POLR3A: variants seen among roughly 807,000 people sequenced by gnomAD.
POLR3A encodes the protein RNA polymerase III subunit A, also known as DNA-directed RNA polymerase III subunit RPC1.
Under a neutral mutation model 152.8 loss-of-function variants are expected in POLR3A, and 112 were observed. The observed-to-expected ratio is 0.73, with a 90% CI of 0.63 to 0.86. The LOEUF (loss-of-function observed/expected upper bound fraction) is 0.86, where lower values mean the gene tolerates loss of function less well. POLR3A is among the 40% of genes least tolerant of loss of function. POLR3A has a pLI of 0.00. For synonymous variants in POLR3A, 615 were observed against 652.1 expected, an observed-to-expected ratio of 0.94 and a Z score of 0.87; for missense variants, 1,385 against 1,743.1, an observed-to-expected ratio of 0.79 and a Z score of 3.66.
rs117201371 is a variant in POLR3A at position 78,029,510 on chromosome 10, A to G, written c.-103T>C. 2.7e-6 allele frequency: 3 copies of G among 1,124,342 alleles called. No homozygotes were observed. Among genetic ancestry groups the G allele is most frequent in the Non-Finnish European group, 4.0e-6 (3 of 750,674 alleles). The allele number at this position is 1,124,342 out of a possible 1,614,324, so 69.6% of individuals were successfully genotyped here. Reference sequence around the variant, plus strand: ...CTGCTTCTGGACTCGCCGCTAACACATCTGCGGCATCCTCTCGGCCACCGT... The same window carrying G: ...CTGCTTCTGGACTCGCCGCTAACACGTCTGCGGCATCCTCTCGGCCACCGT... On this transcript the variant is annotated 5_prime_UTR_variant, in exon 1 of 31. An upstream start codon of the reference 5' UTR is lost. Coordinates refer to ENST00000372371, the MANE Select transcript of POLR3A (RefSeq NM_007055.4).
intron 19 of POLR3A, 102 bp from the exon 20 acceptor site, chr10:77,993,469 T>A: frequency 1.2e-6 from 1 of 846,904 alleles, no homozygotes; most frequent in Non-Finnish European, 2.0e-6. Flanking sequence ...ACAAGCACTT[T>A]AATCACATAA....
intron 8 of POLR3A, among the ~76,000 whole-genome samples, chr10:78,020,773 G>A (rs1481105727): frequency 6.6e-6 from 1 of 152,162 alleles, no homozygotes; most frequent in East Asian, 1.9e-4. Context: ...GGGCGACAGA[G>A]CGAGACTCCA....
intron 23 of POLR3A, 147 bp downstream of exon 23, chr10:77,985,756 G>A: frequency 4.2e-6 from 3 of 718,114 alleles, no homozygotes; most frequent in Non-Finnish European, 7.6e-6. Context: ...CAATTCATCA[G>A]ACCCCCTACA....
rs1589321117 is a variant in POLR3A, at chr10:78,029,466, C to A, written c.-59G>T. 2 of 1,562,000 alleles carry A rather than the reference C, an allele frequency of 1.3e-6. No homozygotes were observed. The highest frequency in any genetic ancestry group is 1.8e-6 in the Non-Finnish European group (2 of 1,134,046). On this transcript the variant is annotated 5_prime_UTR_variant, in exon 1 of 31. Transcript: ENST00000372371. The stretch of plus-strand genomic sequence containing the variant: ...GGGAGGCCAGATTAGAGAAACGATG[C>A]CCCCAGCACCTCCTGGGGCTGCTTC...
intron 15 of POLR3A, 109 bp downstream of exon 15, chr10:78,007,593 T>C: frequency 1.1e-6 from 1 of 871,002 alleles, no homozygotes; most frequent in Middle Eastern, 2.2e-4. Flanking sequence ...TTTTTCTGTA[T>C]GTATATGTGT....
At chr10:78,023,518 C>T (rs1261855018) in intron 5 of POLR3A, among the ~76,000 whole-genome samples, 2 of 151,612 alleles carry the variant, frequency 1.3e-5, no homozygotes, top group Admixed American at 1.3e-4. Context: ...CAGTGGCTGA[C>T]ACCTGTAATC....
intron 21 of POLR3A, among the ~76,000 whole-genome samples, chr10:77,990,755 A>C (rs932326588): frequency 6.6e-6 from 1 of 151,738 alleles, no homozygotes; most frequent in Non-Finnish European, 1.5e-5. Flanking sequence ...CTGGGATTAC[A>C]GGTGCCCGCC....
At chr10:77,982,057 AAAAAAAAAAG>A (rs1847150696) in intron 28 of POLR3A, 87 bp downstream of exon 28, 2 of 734,996 alleles carry the variant, frequency 2.7e-6, no homozygotes, top group Non-Finnish European at 4.1e-6. Flanking sequence ...AAAAAAAAAA[AAAAAAAAAAG>A]AAGTATACTG....
chr10:77,984,366 T>A, intron 24 of POLR3A, 68 bp from the exon 25 acceptor site: 2 of 902,082 alleles, frequency 2.2e-6, no homozygotes. Flanking sequence ...TACTGCTTTG[T>A]TAAACCCAAG....
intron 21 of POLR3A, among the ~76,000 whole-genome samples, chr10:77,988,726 C>T (rs1156589109): frequency 6.6e-6 from 1 of 152,186 alleles, no homozygotes; most frequent in Non-Finnish European, 1.5e-5. Flanking sequence ...TTTGCACTTG[C>T]TGCCACTGAA....
At chr10:77,980,962 AAG>A (rs1847135195) in intron 29 of POLR3A, among the ~76,000 whole-genome samples, 1 of 151,772 alleles carries the variant, frequency 6.6e-6, no homozygotes, top group South Asian at 2.1e-4. Flanking sequence ...TTTTTTGGAA[AAG>A]AGAGAAAAAA....
At chr10:77,986,254 A>G (rs1847197479) in intron 21 of POLR3A, 95 bp from the exon 22 acceptor site, 4 of 788,400 alleles carry the variant, frequency 5.1e-6, no homozygotes, top group South Asian at 1.3e-5. Context: ...TGACAAGTCC[A>G]TCATATTTTA....
intron 19 of POLR3A, among the ~76,000 whole-genome samples, chr10:77,997,910 G>A (rs961549765): frequency 6.6e-6 from 1 of 151,198 alleles, no homozygotes; most frequent in African/African-American, 2.4e-5. Context: ...ACTACACAAG[G>A]CTACAGTAAC....
chr10:78,009,680 G>T lies in POLR3A; in HGVS notation c.1771-5C>A, dbSNP rs199733994. The T allele has an allele frequency of 2.2e-5, 35 of 1,610,584 alleles. No homozygotes were observed. Among genetic ancestry groups the T allele is most frequent in the African/African-American group, 1.1e-4 (8 of 74,932 alleles). On this transcript the variant is annotated splice_polypyrimidine_tract_variant and splice_region_variant and intron_variant, in intron 13 of 30. Coordinates refer to ENST00000372371, the MANE Select transcript of POLR3A (RefSeq NM_007055.4). Reference sequence around the variant, plus strand: ...TCCCGTCCACAGGGTGACAGGCTGAGGGGGGGAGGAAGCCTGAGAGTCAGT... The same window carrying T: ...TCCCGTCCACAGGGTGACAGGCTGATGGGGGGAGGAAGCCTGAGAGTCAGT...
chr10:78,018,170 C>CAAAAA (rs112691299), intron 9 of POLR3A, among the ~76,000 whole-genome samples: 1 of 69,530 alleles, frequency 1.4e-5, no homozygotes. Context: ...ACTGAGACAT[C>CAAAAA]AAAAAAAAAA....
chr10:78,025,203 T>TA, intron 3 of POLR3A, 61 bp from the exon 4 acceptor site: 1 of 1,579,640 alleles, frequency 6.3e-7, no homozygotes, highest in Non-Finnish European at 8.7e-7. Flanking sequence ...TATTTTCTTT[T>TA]AAAAATGCCA....
chr10:78,000,722 G>A (rs1436305631), intron 18 of POLR3A, among the ~76,000 whole-genome samples: 2 of 152,028 alleles, frequency 1.3e-5, no homozygotes, highest in Admixed American at 6.6e-5. Flanking sequence ...GTAGAGATGG[G>A]GTCTCGCTAT....
rs45439493 is a variant in POLR3A at position 78,009,786 on chromosome 10, G to T, written c.1770+78C>A. On this transcript the variant is annotated intron_variant, in intron 13 of 30. Coordinates refer to ENST00000372371, the MANE Select transcript of POLR3A (RefSeq NM_007055.4). ...CTGCACTCAAGCCTAGCACCAACAC[G>T]GTTCCACTCATTTCACCAGTCTACC... 0.015 allele frequency: 23,432 copies of T among 1,606,668 alleles called. 205 individuals carry two copies. The highest frequency in any genetic ancestry group is 0.017 in the Non-Finnish European group (20,512 of 1,175,488).
rs1847580755 is a variant in POLR3A, at chr10:78,021,630, T to G, written c.1101A>C (p.Thr367=). The G allele has an allele frequency of 2.5e-6, 4 of 1,614,174 alleles. No individual in the cohort carries two copies. Among genetic ancestry groups the G allele is most frequent in the Non-Finnish European group, 3.4e-6 (4 of 1,180,020 alleles). The change falls in exon 8 of 31, where the codon ACA becomes ACC. Residue 367 remains threonine, a synonymous_variant. Coordinates refer to ENST00000372371, the MANE Select transcript of POLR3A (RefSeq NM_007055.4). ...GGAGGTTGGGGTCGGGCGAGATGAC[T>G]GTTCTGCCAGAAAAATCCACTCTCT... ...SGKRVDFSGR[T]VISPDPNLRI...
Sources: gnomAD v4.1 joint callset for allele counts (sites outside exome capture counted in the v4.1 genomes callset) on GRCh38, gnomAD v4.1.1 for gene constraint, MANE v1.5 for transcripts, NCBI Gene and HGNC (gene_info 2026-07-23, HGNC 2026-07-21) for gene names.